IL1RAPL2: variants seen among roughly 807,000 people sequenced by gnomAD.
The protein encoded by IL1RAPL2 is interleukin 1 receptor accessory protein like 2.
Under a neutral mutation model 44.1 loss-of-function variants are expected in IL1RAPL2, and 3 were observed. That is an observed-to-expected ratio of 0.07 (90% confidence interval 0.03 to 0.18). The LOEUF (loss-of-function observed/expected upper bound fraction) is 0.18, where lower values mean the gene tolerates loss of function less well. Ranked by LOEUF, IL1RAPL2 falls within the 10% of genes least tolerant of loss-of-function variation. The probability of loss-of-function intolerance (pLI) is 1.00; values close to 1 mark genes in which losing one functional copy is unlikely to be tolerated. For synonymous variants in IL1RAPL2, 181 were observed against 178.8 expected (o/e 1.01, Z -0.10); for missense variants, 391 against 496.4 (o/e 0.79, Z 2.02).
intron 2 of IL1RAPL2, among the ~76,000 whole-genome samples, chrX:104,671,993 C>T (rs966305330): frequency 9.0e-6 from 1 of 111,557 alleles, no homozygotes; most frequent in Non-Finnish European, 1.9e-5. Flanking sequence ...GTCTGAACAC[C>T]ACCCACCTCA....
intron 1 of IL1RAPL2, among the ~76,000 whole-genome samples, chrX:104,632,841 C>G: frequency 9.1e-6 from 1 of 109,929 alleles, no homozygotes. Flanking sequence ...TTTCCTTCTC[C>G]TGCCTGATTG....
intron 5 of IL1RAPL2, among the ~76,000 whole-genome samples, chrX:105,418,153 T>C (rs2035747665): frequency 1.8e-5 from 2 of 111,001 alleles, no homozygotes; most frequent in African/African-American, 6.6e-5. Flanking sequence ...ATCTAATTGA[T>C]CTTTGTAATT....
chrX:105,008,004 G>GAAGAGAAAAGTCTATA (rs1447752813), intron 2 of IL1RAPL2, among the ~76,000 whole-genome samples: 1 of 113,499 alleles, frequency 8.8e-6, no homozygotes, highest in Non-Finnish European at 1.9e-5. Context: ...GAATTGCCAA[G>GAAGAGAAAAGTCTATA]GGCAATACTA....
At chrX:105,065,457 C>T (rs1333586569) in intron 2 of IL1RAPL2, among the ~76,000 whole-genome samples, 1 of 111,621 alleles carries the variant, frequency 9.0e-6, no homozygotes, top group Non-Finnish European at 1.9e-5. Flanking sequence ...GGTTAGGCAT[C>T]CCATCTGATC....
intron 1 of IL1RAPL2, among the ~76,000 whole-genome samples, chrX:104,585,687 C>T (rs868866131): frequency 8.5e-5 from 9 of 106,411 alleles, no homozygotes; most frequent in Non-Finnish European, 1.3e-4. Flanking sequence ...TAAGTGAAAA[C>T]GTGTTATTTG....
chrX:104,896,075 A>G (rs1015716556), intron 2 of IL1RAPL2, among the ~76,000 whole-genome samples: 1 of 111,393 alleles, frequency 9.0e-6, no homozygotes, highest in Non-Finnish European at 1.9e-5. Flanking sequence ...ACGAGATGCC[A>G]CCCGATGTTT....
At chrX:105,098,312 C>G (rs903314602) in intron 2 of IL1RAPL2, among the ~76,000 whole-genome samples, 1 of 111,563 alleles carries the variant, frequency 9.0e-6, no homozygotes, top group African/African-American at 3.3e-5. Flanking sequence ...CTCTTGCTTT[C>G]TGGCTTCACT....
At chrX:104,952,378 A>G (rs746126897) in intron 2 of IL1RAPL2, among the ~76,000 whole-genome samples, 2 of 112,085 alleles carry the variant, frequency 1.8e-5, no homozygotes, top group African/African-American at 3.2e-5. Context: ...TCAAGCATCT[A>G]TAGGTTTATT....
chrX:105,500,947 T>C (rs1028856739), intron 6 of IL1RAPL2, among the ~76,000 whole-genome samples: 2 of 111,907 alleles, frequency 1.8e-5, no homozygotes, highest in African/African-American at 6.5e-5. Flanking sequence ...TGTATCCCTT[T>C]TATGTCTCTA....
intron 6 of IL1RAPL2, among the ~76,000 whole-genome samples, chrX:105,502,394 G>A (rs2036401536): frequency 9.0e-6 from 1 of 111,522 alleles, no homozygotes; most frequent in South Asian, 3.7e-4. Context: ...GAGTGTTAAT[G>A]TACTTCTTAA....
At chrX:105,022,089 A>G (rs1274297782) in intron 2 of IL1RAPL2, among the ~76,000 whole-genome samples, 1 of 111,193 alleles carries the variant, frequency 9.0e-6, no homozygotes, top group African/African-American at 3.3e-5. Flanking sequence ...CCCATGAGAA[A>G]AATTTTAAAA....
chrX:104,661,169 A>T (rs1467935611), intron 2 of IL1RAPL2, among the ~76,000 whole-genome samples: 1 of 111,218 alleles, frequency 9.0e-6, no homozygotes, highest in African/African-American at 3.3e-5. Context: ...ACCCAAAAAG[A>T]TATTTCACTT....
At chrX:105,167,278 A>G (rs370395472) in intron 2 of IL1RAPL2, among the ~76,000 whole-genome samples, 7 of 112,238 alleles carry the variant, frequency 6.2e-5, no homozygotes, top group Non-Finnish European at 1.3e-4. Flanking sequence ...ATGACCAACA[A>G]TTTTCTGGCC....
chrX:105,474,895 G>A (rs772769744), intron 5 of IL1RAPL2, among the ~76,000 whole-genome samples: 78 of 110,426 alleles, frequency 7.1e-4, no homozygotes, highest in African/African-American at 2.5e-3. Context: ...AAAAAAACAC[G>A]GAAGAAATAT....
chrX:105,632,789 A>G (rs927034740), intron 6 of IL1RAPL2, among the ~76,000 whole-genome samples: 1 of 111,741 alleles, frequency 8.9e-6, no homozygotes, highest in African/African-American at 3.3e-5. Context: ...GACTCCAAAT[A>G]TAACAAATCA....
chrX:104,724,610 G>T (rs1159803194), intron 2 of IL1RAPL2, among the ~76,000 whole-genome samples: 3 of 111,311 alleles, frequency 2.7e-5, no homozygotes, highest in East Asian at 2.8e-4. Flanking sequence ...CATGTGTAAT[G>T]AAACTGGAGA....
chrX:104,936,983 CAG>C (rs1351509995), intron 2 of IL1RAPL2, among the ~76,000 whole-genome samples: 1 of 111,726 alleles, frequency 9.0e-6, no homozygotes, highest in East Asian at 2.8e-4. Context: ...TTGCTTAGAG[CAG>C]AGAGACTGGG....
At chrX:105,050,295 C>T (rs1371917193) in intron 2 of IL1RAPL2, among the ~76,000 whole-genome samples, 1 of 111,837 alleles carries the variant, frequency 8.9e-6, no homozygotes, top group African/African-American at 3.2e-5. Flanking sequence ...TACAGCTTTC[C>T]ATTTGTCATT....
At chrX:105,652,713 T>C (rs770050408) in intron 6 of IL1RAPL2, among the ~76,000 whole-genome samples, 40 of 111,759 alleles carry the variant, frequency 3.6e-4, no homozygotes, top group Middle Eastern at 4.7e-3. Flanking sequence ...TAATACTTAT[T>C]ATCTTTACCA....
Sources: allele counts gnomAD v4.1 joint callset (sites outside exome capture counted in the v4.1 genomes callset), GRCh38; gene constraint gnomAD v4.1.1; transcripts MANE v1.5; gene names NCBI Gene and HGNC (gene_info 2026-07-23, HGNC 2026-07-21).